The following LINGO1 variants were observed in gnomAD, a reference collection of about 807,000 sequenced individuals.
LINGO1 encodes leucine rich repeat and Ig domain containing 1.
LINGO1 carries 11 observed loss-of-function variants against 37.3 expected under a neutral mutation model. The ratio of observed to expected loss-of-function variants is 0.29; its 90% confidence interval spans 0.19 to 0.49. The LOEUF is 0.49. LINGO1 is among the 20% of genes least tolerant of loss of function. The probability of loss-of-function intolerance (pLI) is 0.99; values close to 1 mark genes in which losing one functional copy is unlikely to be tolerated. For synonymous variants in LINGO1, 387 were observed against 403.0 expected (o/e 0.96, Z 0.48); for missense variants, 585 against 878.2 (o/e 0.67, Z 4.22).
chr15:77,709,070 TGAGA>T (rs1414396581), intron 2 of LINGO1, among the ~76,000 whole-genome samples: 2 of 152,172 alleles, frequency 1.3e-5, no homozygotes, highest in Non-Finnish European at 2.9e-5. Flanking sequence ...CCTAGAGCCC[TGAGA>T]GAGAGCACGG....
intron 2 of LINGO1, among the ~76,000 whole-genome samples, chr15:77,794,305 C>CGT (rs1024267843): frequency 8.5e-6 from 1 of 117,706 alleles, no homozygotes; most frequent in African/African-American, 3.1e-5. Context: ...TATATATATA[C>CGT]ATATATGTGT....
chr15:77,777,989 G>A lies in LINGO1; in HGVS notation c.-257+8880C>T, dbSNP rs543494724. Among the ~76,000 whole-genome samples the A allele has an allele frequency of 9.2e-5, 14 of 151,996 alleles. No individual in the cohort carries two copies. The South Asian group carries it at 2.7e-3, about 29-fold the overall frequency. On this transcript the variant is annotated intron_variant, in intron 1 of 3. Transcript: ENST00000561686. ...GGAGGGAGGGAGTAAGGGAGTGAGG[G>A]AGGGGAGGGGAGGAAAGAAGGAAAG...
At chr15:77,768,644 G>C (rs1474509409) in intron 1 of LINGO1, among the ~76,000 whole-genome samples, 2 of 152,160 alleles carry the variant, frequency 1.3e-5, no homozygotes, top group Admixed American at 6.5e-5. Flanking sequence ...ATATATGGGG[G>C]AGAGAGGCTT....
exon 1 of LINGO1, chr15:77,696,413 C>T (rs2075694446): frequency 6.6e-6 from 1 of 152,364 alleles, no homozygotes; most frequent in Admixed American, 6.5e-5. Context: ...CTGACAAGGC[C>T]ACTGGTCAGC....
chr15:77,797,490 T>G (rs2076883174), intron 1 of LINGO1, among the ~76,000 whole-genome samples: 1 of 152,240 alleles, frequency 6.6e-6, no homozygotes, highest in Non-Finnish European at 1.5e-5. Flanking sequence ...TAATCCACCT[T>G]CAAACGAAAG....
chr15:77,808,236 C>A (rs1241948374), intron 1 of LINGO1, among the ~76,000 whole-genome samples: 6 of 152,248 alleles, frequency 3.9e-5, no homozygotes, highest in Non-Finnish European at 5.9e-5. Flanking sequence ...ACAGCCCGGG[C>A]CCCTCTCCAG....
intron 2 of LINGO1, among the ~76,000 whole-genome samples, chr15:77,685,179 G>T (rs2075485681): frequency 6.6e-6 from 1 of 151,814 alleles, no homozygotes; most frequent in Admixed American, 6.6e-5. Flanking sequence ...TATGCTAGAG[G>T]GCTCTGGAGA....
chr15:77,615,764 C>T lies in LINGO1; in HGVS notation c.143G>A (p.Cys48Tyr), dbSNP rs992174840. The T allele has an allele frequency of 6.3e-7, 1 of 1,579,484 alleles. No homozygotes were observed. The highest frequency in any genetic ancestry group is 1.8e-5 in the Admixed American group (1 of 56,922). The change falls in exon 2 of 2, where the codon TGC becomes TAC. Residue 48 changes from cysteine to tyrosine, a missense_variant. By Grantham distance (194) the Cys-to-Tyr change is radical (BLOSUM62 -2). Transcript: ENST00000355300. ...CAGCACAGCGCGGTCCTGGGCGGAG[C>T]ACTCGCAGCGGGGCGGGCAGCCCGT... ...SATGCPPRCE[C>Y]SAQDRAVLCH... is the part of the protein sequence containing the mutation.
rs990115121 is a variant in LINGO1 at position 77,632,171 on chromosome 15, C to T, written c.6+139G>A. On this transcript the variant is annotated intron_variant, in intron 1 of 1. Coordinates refer to ENST00000355300, the MANE Select transcript of LINGO1 (RefSeq NM_032808.7). The surrounding 1 kb of genome is among the most constrained non-coding windows in gnomAD (Gnocchi z 6.0). Reference sequence around the variant, plus strand: ...TCTGAGGCTTGAGGGGAAATCAGGCCTATGACCCCAAAGGAGGTCTGGGTG... The same window carrying T: ...TCTGAGGCTTGAGGGGAAATCAGGCTTATGACCCCAAAGGAGGTCTGGGTG... 5.6e-5 allele frequency: 45 copies of T among 805,990 alleles called. No homozygotes were observed. Among genetic ancestry groups the T allele is most frequent in the Non-Finnish European group, 7.5e-5 (45 of 598,518 alleles). 49.9% of individuals were successfully genotyped at this position (805,990 alleles called of 1,614,324 possible).
chr15:77,645,190 G>A (rs543657607), intron 3 of LINGO1, among the ~76,000 whole-genome samples: 24 of 152,168 alleles, frequency 1.6e-4, no homozygotes, highest in Middle Eastern at 3.2e-3. Context: ...CAGAACGGGC[G>A]GTGCAGGGAG....
chr15:77,614,500 C>G lies in LINGO1; in HGVS notation c.1407G>C (p.Lys469Asn). Residue 469 changes from lysine (K) to asparagine (N), a missense_variant, in exon 2 of 2, where the codon AAG becomes AAC. Coordinates refer to ENST00000355300, the MANE Select transcript of LINGO1 (RefSeq NM_032808.7). ...LSPRKHLVSA[K>N]SNGRLTVFPD... ...GGAAGACTGTGAGCCGCCCATTGCT[C>G]TTGGCTGAGACCAGGTGCTTTCGGG... 6.2e-7 allele frequency: 1 copy of G among 1,610,724 alleles called. No individual in the cohort carries two copies. The highest frequency in any genetic ancestry group is 8.5e-7 in the Non-Finnish European group (1 of 1,179,750).
intron 2 of LINGO1, among the ~76,000 whole-genome samples, chr15:77,683,652 A>T (rs546871334): frequency 6.6e-6 from 1 of 152,286 alleles, no homozygotes; most frequent in Admixed American, 6.5e-5. Context: ...TTTTTTAGCA[A>T]TACACAATAA....
At chr15:77,767,621 C>T (rs1021335158) in intron 1 of LINGO1, among the ~76,000 whole-genome samples, 2 of 152,132 alleles carry the variant, frequency 1.3e-5, no homozygotes, top group Non-Finnish European at 2.9e-5. Context: ...AGCACAGAGG[C>T]TCAGGGAGAG....
At chr15:77,674,201 C>G (rs912179570) in intron 3 of LINGO1, among the ~76,000 whole-genome samples, 2 of 152,164 alleles carry the variant, frequency 1.3e-5, no homozygotes, top group Non-Finnish European at 1.5e-5. Context: ...CTCATCCAAT[C>G]TGTCAGCAAA....
intron 3 of LINGO1, among the ~76,000 whole-genome samples, chr15:77,656,679 C>T (rs1371320948): frequency 6.6e-6 from 1 of 152,160 alleles, no homozygotes; most frequent in Non-Finnish European, 1.5e-5. Context: ...CTCGGCCCTC[C>T]CCAGGATGCA....
At chr15:77,754,117 G>C (rs932613366) in intron 1 of LINGO1, among the ~76,000 whole-genome samples, 8 of 151,908 alleles carry the variant, frequency 5.3e-5, no homozygotes, top group Non-Finnish European at 1.2e-4. Context: ...AAAGGCAAGG[G>C]GGAAGGAAAG....
intron 2 of LINGO1, among the ~76,000 whole-genome samples, chr15:77,685,586 A>G (rs2075494159): frequency 6.6e-6 from 1 of 151,820 alleles, no homozygotes; most frequent in African/African-American, 2.4e-5. Context: ...GGCAGGGTGC[A>G]GTGGCTCACA....
chr15:77,808,717 C>G (rs1287895105), intron 1 of LINGO1, among the ~76,000 whole-genome samples: 1 of 152,232 alleles, frequency 6.6e-6, no homozygotes, highest in Non-Finnish European at 1.5e-5. Flanking sequence ...CTCAATCTCT[C>G]TGAGCCTCAG....
chr15:77,682,277 A>AGT (rs10581838), intron 2 of LINGO1, among the ~76,000 whole-genome samples: 12,008 of 139,800 alleles, frequency 0.086, 575 homozygotes, highest in Middle Eastern at 0.16. Context: ...TAGAGATTAA[A>AGT]GTGTGTGTGT....
Sources: allele counts gnomAD v4.1 joint callset (sites outside exome capture counted in the v4.1 genomes callset), GRCh38; gene constraint gnomAD v4.1.1; non-coding constraint Gnocchi (gnomAD v3.1); transcripts MANE v1.5; gene names NCBI Gene and HGNC (gene_info 2026-07-23, HGNC 2026-07-21).